Variants in ZDHHC11B observed in about 807,000 individuals in gnomAD.
ZDHHC11B encodes probable palmitoyltransferase ZDHHC11B.
Under a neutral mutation model 42.3 loss-of-function variants are expected in ZDHHC11B, and 17 were observed. That is an observed-to-expected ratio of 0.40 (90% CI 0.27 to 0.60). The LOEUF is 0.60. Ranked by LOEUF, ZDHHC11B falls within the 20% of genes least tolerant of loss-of-function variation. ZDHHC11B has a pLI of 0.41. For synonymous variants in ZDHHC11B, 123 were observed against 193.5 expected (o/e 0.64, Z 3.02); for missense variants, 262 against 463.2 (o/e 0.57, Z 3.99).
At chr5:742,341 T>C (rs1157318334) in intron 9 of ZDHHC11B, among the ~76,000 whole-genome samples, 14 of 146,956 alleles carry the variant, frequency 9.5e-5, no homozygotes, top group African/African-American at 3.3e-4. Context: ...TTGTTTGTTG[T>C]TTTTTTACAA....
rs1561187424 is a variant in ZDHHC11B at position 766,096 on chromosome 5, G to A, written c.222+602C>T. ...TCTCAACTGAATGCCATGGTCAGCTGGAGGTAGTGCAGAGCCCACATGCCC... is the reference window on the plus strand; with the variant it reads ...TCTCAACTGAATGCCATGGTCAGCTAGAGGTAGTGCAGAGCCCACATGCCC... On this transcript the variant is annotated intron_variant, in intron 4 of 13. Transcript: ENST00000508859. 2.0e-5 allele frequency among the ~76,000 whole-genome samples: 3 copies of A among 152,004 alleles called. No individual in the cohort carries two copies. In the South Asian group the frequency reaches 6.3e-4, roughly 32 times the overall value.
intron 1 of ZDHHC11B, among the ~76,000 whole-genome samples, chr5:775,983 C>T (rs7730439): frequency 0.44 from 57,271 of 129,754 alleles, 10,023 homozygotes; most frequent in Admixed American, 0.47. Context: ...GTCCCTGGTC[C>T]TCTCTCCATG....
At chr5:715,562 TC>T (rs1486944972) in intron 13 of ZDHHC11B, among the ~76,000 whole-genome samples, 2 of 151,482 alleles carry the variant, frequency 1.3e-5, no homozygotes, top group Non-Finnish European at 2.9e-5. Context: ...TTTCCACATC[TC>T]ATTCATCTCC....
chr5:770,849 A>G (rs1579446127), intron 1 of ZDHHC11B, among the ~76,000 whole-genome samples: 1 of 151,892 alleles, frequency 6.6e-6, no homozygotes, highest in Admixed American at 6.6e-5. Context: ...GCCCGCCCCC[A>G]GAGCAGGTGG....
At chr5:716,736 T>C in intron 13 of ZDHHC11B, 65 bp downstream of exon 13, 1 of 1,601,196 alleles carries the variant, frequency 6.2e-7, no homozygotes, top group Non-Finnish European at 8.5e-7. Flanking sequence ...AAAGAAGATA[T>C]TTCACTCTCT....
At chr5:732,829 C>G (rs1743126747) in intron 11 of ZDHHC11B, among the ~76,000 whole-genome samples, 1 of 151,876 alleles carries the variant, frequency 6.6e-6, no homozygotes, top group African/African-American at 2.4e-5. Flanking sequence ...TGGGGAATCA[C>G]TTGAGACCAG....
chr5:754,617 C>CCACCATGCTCAGTGGAAACACCTCT (rs1746358460), intron 6 of ZDHHC11B, among the ~76,000 whole-genome samples: 3 of 127,354 alleles, frequency 2.4e-5, no homozygotes, highest in Admixed American at 9.0e-5. Flanking sequence ...CACCTCTCGT[C>CCACCATGCTCAGTGGAAACACCTCT]CATCTGCGCT....
chr5:714,109 C>T (rs1182865095), intron 13 of ZDHHC11B, among the ~76,000 whole-genome samples: 41 of 133,528 alleles, frequency 3.1e-4, no homozygotes, highest in Middle Eastern at 3.5e-3. Flanking sequence ...GACACGGACA[C>T]GCGCACGCGT....
chr5:726,400 T>C lies in ZDHHC11B; in HGVS notation c.1058+4034A>G, dbSNP rs1160517472. On this transcript the variant is annotated intron_variant, in intron 12 of 13. Coordinates refer to ENST00000508859, the MANE Select transcript of ZDHHC11B (RefSeq NM_001351303.2). ...GCATATTCTGTGACAAAAAAAGGGT[T>C]AATGGTAACTTATCGCCTGTTGCAT... Among the ~76,000 whole-genome samples the C allele has an allele frequency of 1.2e-3, 183 of 148,818 alleles. 1 individual carries two copies. The highest frequency in any genetic ancestry group is 4.3e-3 in the African/African-American group (173 of 39,918).
At chr5:773,440 G>A (rs144304347) in intron 1 of ZDHHC11B, among the ~76,000 whole-genome samples, 90 of 151,942 alleles carry the variant, frequency 5.9e-4, no homozygotes, top group African/African-American at 1.8e-3. Flanking sequence ...GCTCCCAGGC[G>A]TGTACCCACC....
chr5:726,825 T>A (rs1300321404), intron 12 of ZDHHC11B, among the ~76,000 whole-genome samples: 1 of 102,702 alleles, frequency 9.7e-6, no homozygotes, highest in Non-Finnish European at 1.9e-5. Context: ...AAACATATAT[T>A]TTTTTTCAAA....
At chr5:738,606 C>CTCGGTGGTCGCCG in intron 10 of ZDHHC11B, among the ~76,000 whole-genome samples, 1 of 111,866 alleles carries the variant, frequency 8.9e-6, no homozygotes, top group Non-Finnish European at 2.0e-5. Context: ...GTGTGTAGAT[C>CTCGGTGGTCGCCG]AATGGAACAG....
In ZDHHC11B at chr5:747,998, T is replaced by G. The variant is rs1370309869; in HGVS notation, c.784+406A>C. 174 of 407,376 alleles carry G rather than the reference T, an allele frequency of 4.3e-4. 8 individuals are homozygous for G. The highest frequency in any genetic ancestry group is 4.0e-4 in the Non-Finnish European group (94 of 235,730). 25.2% of individuals were successfully genotyped at this position (407,376 alleles called of 1,614,324 possible). ...GTTAGTGGGTGATCTGCCTGTAATA[T>G]TTTTCATTGTTAGAATTTCTACTTG... On this transcript the variant is annotated intron_variant, in intron 8 of 13. Transcript: ENST00000508859.
Position 748,520 on chromosome 5 carries a change from A to C in ZDHHC11B, c.668T>G (p.Leu223Arg). 7.3e-7 allele frequency: 1 copy of C among 1,365,148 alleles called. No individual in the cohort carries two copies. 84.6% of individuals were successfully genotyped at this position (1,365,148 alleles called of 1,614,324 possible). ...NMNTWLLFLP[L>R]FPVQVQTLIV... ...CAGAGTCTGCACCTGCACCGGGAAC[A>C]GGGGGAGGAACAGCAGCCACGTGTT... Residue 223 changes from leucine to arginine, a missense_variant, in exon 8 of 14, where the codon CTG (leucine) becomes CGG (arginine). Transcript: ENST00000508859.
intron 6 of ZDHHC11B, among the ~76,000 whole-genome samples, chr5:753,346 G>A (rs1285860274): frequency 7.6e-6 from 1 of 130,738 alleles, no homozygotes; most frequent in African/African-American, 2.5e-5. Flanking sequence ...ACAGATGCCG[G>A]CGTTGGCTGC....
At chr5:723,502 C>T (rs1279312603) in intron 12 of ZDHHC11B, among the ~76,000 whole-genome samples, 2 of 111,202 alleles carry the variant, frequency 1.8e-5, no homozygotes, top group Non-Finnish European at 4.4e-5. Context: ...ATGCAGGTTA[C>T]GGTGCCAATT....
chr5:764,557 T>C (rs1037494676), intron 4 of ZDHHC11B, among the ~76,000 whole-genome samples: 1 of 151,882 alleles, frequency 6.6e-6, no homozygotes, highest in Non-Finnish European at 1.5e-5. Context: ...TGGTCTGCTG[T>C]AGCTGTGCTC....
chr5:762,956 G>T (rs1470797315), intron 4 of ZDHHC11B, among the ~76,000 whole-genome samples: 1 of 151,844 alleles, frequency 6.6e-6, no homozygotes, highest in Admixed American at 6.6e-5. Context: ...CCAGGATAGT[G>T]AGGAAGGAAG....
chr5:730,588 A>T (rs1342725210), intron 11 of ZDHHC11B, 120 bp from the exon 12 acceptor site: 48 of 1,102,870 alleles, frequency 4.4e-5, no homozygotes, highest in Non-Finnish European at 5.9e-5. Flanking sequence ...TACTTCAAGA[A>T]TGCCTGGATC....
Sources: gnomAD v4.1 joint callset for allele counts (sites outside exome capture counted in the v4.1 genomes callset) on GRCh38, gnomAD v4.1.1 for gene constraint, MANE v1.5 for transcripts, NCBI Gene and HGNC (gene_info 2026-07-23, HGNC 2026-07-21) for gene names.